Variants in CFAP221 observed in about 807,000 individuals in gnomAD.
CFAP221 encodes cilia and flagella associated protein 221.
A neutral mutation model predicts 113.1 loss-of-function variants in CFAP221; 97 were observed. The observed-to-expected ratio is 0.86, with a 90% CI of 0.73 to 1.02. CFAP221 has a LOEUF of 1.02. CFAP221 is among the 50% of genes least tolerant of loss of function. The probability of loss-of-function intolerance (pLI) is 0.00; values close to 1 mark genes in which losing one functional copy is unlikely to be tolerated. For missense variants in CFAP221, 1,025 were observed against 1,013.4 expected (o/e 1.01, Z -0.16); for synonymous variants, 331 against 354.4 (o/e 0.93, Z 0.74).
At chr2:119,574,508 G>A (rs949542169) in intron 6 of CFAP221, among the ~76,000 whole-genome samples, 3 of 152,216 alleles carry the variant, frequency 2.0e-5, no homozygotes, top group Admixed American at 1.3e-4. Flanking sequence ...CCTGGAAGGA[G>A]CAAAGGTGAC....
intron 7 of CFAP221, among the ~76,000 whole-genome samples, chr2:119,594,778 A>T (rs1683846415): frequency 6.6e-6 from 1 of 152,220 alleles, no homozygotes; most frequent in South Asian, 2.1e-4. Flanking sequence ...CTGGATGCAT[A>T]AACTCATTTA....
Position 119,604,714 on chromosome 2 carries a change from A to G in CFAP221, c.834A>G (p.Val278=), listed in dbSNP as rs772648573. The change falls in exon 9 of 24, where the codon GTA becomes GTG. Residue 278 remains valine (V), a synonymous_variant. Coordinates refer to ENST00000413369, the MANE Select transcript of CFAP221 (RefSeq NM_001271049.2). The part of the protein sequence containing the change: ...FERLNTLSKK[V]NVPPEKAMMH... ...GGTTGAATACCCTTTCTAAGAAAGTAAACGTTCCTCCAGAAAAAGCAATGA... is the reference window on the plus strand; with the variant it reads ...GGTTGAATACCCTTTCTAAGAAAGTGAACGTTCCTCCAGAAAAAGCAATGA... The G allele has an allele frequency of 1.3e-6, 2 of 1,553,716 alleles. No homozygotes were observed. The highest frequency in any genetic ancestry group is 1.7e-6 in the Non-Finnish European group (2 of 1,155,486).
At chr2:119,553,699 C>T (rs1368345655) in intron 3 of CFAP221, among the ~76,000 whole-genome samples, 1 of 152,148 alleles carries the variant, frequency 6.6e-6, no homozygotes, top group Non-Finnish European at 1.5e-5. Flanking sequence ...GGTAATTTCA[C>T]CCCCACTGAG....
chr2:119,625,653 GA>G lies in CFAP221; in HGVS notation c.1484del (p.Lys495ArgfsTer9). Reference sequence around the variant, plus strand: ...GAAATGGACAAAGAGAGTATACTGAGAAAGATTGGCCAAGCAAAACAATCGA... The same window carrying G: ...GAAATGGACAAAGAGAGTATACTGAGAAGATTGGCCAAGCAAAACAATCGA... ...VREMDKESIL[R>X]KIGQAKQSIA... On this transcript the variant is annotated frameshift_variant, in exon 15 of 24. Transcript: ENST00000413369. LOFTEE classifies it high-confidence loss of function. The G allele has an allele frequency of 6.2e-7, 1 of 1,613,622 alleles. No individual in the cohort carries two copies. The highest frequency in any genetic ancestry group is 8.5e-7 in the Non-Finnish European group (1 of 1,179,540).
chr2:119,615,896 T>C (rs949034152), intron 14 of CFAP221, among the ~76,000 whole-genome samples, 187 bp downstream of exon 14: 2 of 152,188 alleles, frequency 1.3e-5, no homozygotes, highest in Non-Finnish European at 2.9e-5. Flanking sequence ...CCCTATCTAA[T>C]TTTAGAACAT....
chr2:119,554,422 C>T (rs779278504), intron 3 of CFAP221, among the ~76,000 whole-genome samples: 10 of 152,146 alleles, frequency 6.6e-5, no homozygotes, highest in Non-Finnish European at 1.3e-4. Context: ...TGATTTGGTC[C>T]TGGAAATTAT....
intron 12 of CFAP221, among the ~76,000 whole-genome samples, chr2:119,609,920 A>G (rs376885503): frequency 1.3e-5 from 2 of 152,294 alleles, no homozygotes; most frequent in East Asian, 1.9e-4. Flanking sequence ...TTCATTTTTC[A>G]TAAGACAAAA....
intron 6 of CFAP221, chr2:119,573,390 T>A (rs1034140530): frequency 2.6e-5 from 4 of 152,192 alleles, no homozygotes; most frequent in Non-Finnish European, 5.9e-5. Context: ...AAGCTTGAAG[T>A]TGATGGAAAG....
chr2:119,601,387 C>G lies in CFAP221; in HGVS notation c.791+10C>G, dbSNP rs1659682233. Reference sequence around the variant, plus strand: ...CCAACATGGCCTTACCGTATGGCGTCTTTGCAGTGTTTTTGTTTATTTTTA... The same window carrying G: ...CCAACATGGCCTTACCGTATGGCGTGTTTGCAGTGTTTTTGTTTATTTTTA... On this transcript the variant is annotated intron_variant, in intron 8 of 23. Coordinates refer to ENST00000413369, the MANE Select transcript of CFAP221 (RefSeq NM_001271049.2). 2.7e-6 allele frequency: 4 copies of G among 1,497,244 alleles called. No homozygotes were observed. The Admixed American group carries it at 8.3e-5, about 31-fold the overall frequency. 92.7% of individuals were successfully genotyped at this position (1,497,244 alleles called of 1,614,324 possible).
chr2:119,562,465 A>G (rs1681324286), intron 6 of CFAP221, among the ~76,000 whole-genome samples: 1 of 152,096 alleles, frequency 6.6e-6, no homozygotes, highest in African/African-American at 2.4e-5. Context: ...GGTCCCCTTC[A>G]TGGGGGCAAG....
intron 13 of CFAP221, among the ~76,000 whole-genome samples, chr2:119,612,885 T>TTGA (rs1685275557): frequency 6.6e-6 from 1 of 152,170 alleles, no homozygotes; most frequent in African/African-American, 2.4e-5. Context: ...CAAAGTCCTA[T>TTGA]CTGAGACAGG....
At position 119,623,359 on chromosome 2, in the gene CFAP221, A is replaced by T. The variant is rs986384022; in HGVS notation, c.1411-2224A>T. ...GAACTACAAACCACTGCTCAAGGAA[A>T]TAAGAGAGGACACAAACAAATGGAA... On this transcript the variant is annotated intron_variant, in intron 14 of 23. Transcript: ENST00000413369. 4.6e-5 allele frequency among the ~76,000 whole-genome samples: 7 copies of T among 152,246 alleles called. 1 individual carries two copies. The highest frequency in any genetic ancestry group is 2.6e-4 in the Admixed American group (4 of 15,290).
intron 23 of CFAP221, 67 bp from the exon 24 acceptor site, chr2:119,656,295 C>A: frequency 7.9e-7 from 1 of 1,261,680 alleles, no homozygotes; most frequent in Non-Finnish European, 1.2e-6. Context: ...GCACTGCTGG[C>A]GGGGGGTGAT....
intron 14 of CFAP221, among the ~76,000 whole-genome samples, chr2:119,621,017 G>C (rs895230923): frequency 6.6e-6 from 1 of 151,960 alleles, no homozygotes; most frequent in African/African-American, 2.4e-5. Context: ...CTCAGGTCGG[G>C]AGTTCGAGAC....
At chr2:119,590,167 G>T (rs1683502431) in intron 7 of CFAP221, 1 of 152,104 alleles carries the variant, frequency 6.6e-6, no homozygotes, top group Non-Finnish European at 1.5e-5. Flanking sequence ...TTCCTTGGGG[G>T]CTGTTGCTTA....
intron 21 of CFAP221, among the ~76,000 whole-genome samples, chr2:119,641,506 A>G (rs1687487724): frequency 6.6e-6 from 1 of 152,210 alleles, no homozygotes; most frequent in African/African-American, 2.4e-5. Context: ...CCTCCATTGT[A>G]CACTGGATGT....
At chr2:119,596,095 GA>G (rs1483218879) in intron 7 of CFAP221, among the ~76,000 whole-genome samples, 1 of 152,136 alleles carries the variant, frequency 6.6e-6, no homozygotes, top group African/African-American at 2.4e-5. Context: ...TGGAGAGTTT[GA>G]AGCAGAGGGT....
intron 6 of CFAP221, among the ~76,000 whole-genome samples, chr2:119,582,752 A>G (rs1045402494): frequency 6.6e-6 from 1 of 152,210 alleles, no homozygotes; most frequent in Non-Finnish European, 1.5e-5. Flanking sequence ...CACAGCACCC[A>G]GCTGTCAATA....
intron 6 of CFAP221, among the ~76,000 whole-genome samples, chr2:119,574,715 C>T (rs148183269): frequency 1.1e-3 from 163 of 152,308 alleles, no homozygotes; most frequent in Non-Finnish European, 1.8e-3. Context: ...CACACACACA[C>T]ACACTCACAT....
Sources: gnomAD v4.1 joint callset for allele counts (sites outside exome capture counted in the v4.1 genomes callset) on GRCh38, gnomAD v4.1.1 for gene constraint, MANE v1.5 for transcripts, NCBI Gene and HGNC (gene_info 2026-07-23, HGNC 2026-07-21) for gene names.